SNHG17: variants seen among roughly 807,000 people sequenced by gnomAD.
SNHG17 encodes small nucleolar RNA host gene 17 (non-protein coding).
intron 2 of SNHG17, chr20:38,434,023 G>C (rs370857891): frequency 1.9e-6 from 1 of 517,552 alleles, no homozygotes. Flanking sequence ...GTGAGCCCAC[G>C]TCAGCGTGTT....
chr20:38,427,459 G>C (rs1344000117), intron 3 of SNHG17: 1 of 511,934 alleles, frequency 2.0e-6, no homozygotes, highest in Non-Finnish European at 3.9e-6. Flanking sequence ...ACAGACAGGA[G>C]AGCCAGGAAG....
chr20:38,425,644 G>C lies in SNHG17; in HGVS notation n.579+291C>G, dbSNP rs75295914. Among the ~76,000 whole-genome samples the C allele has an allele frequency of 7.7e-3, 1,175 of 152,248 alleles. 9 individuals are homozygous for C. Among genetic ancestry groups the C allele is most frequent in the Middle Eastern group, 0.017 (5 of 294 alleles). ...AGTAATACTGATGGTACCTGGTTCT[G>C]GGACCACAGTTTGAGAACCACTACT... On this transcript the variant is annotated intron_variant and non_coding_transcript_variant, in intron 5 of 8. Transcript: ENST00000654008.
chr20:38,432,275 A>G (rs1456743013), intron 2 of SNHG17: 1 of 541,948 alleles, frequency 1.8e-6, no homozygotes, highest in Non-Finnish European at 2.4e-6. Context: ...GGGACAGCTT[A>G]AGTCTCATCT....
intron 1 of SNHG17, chr20:38,435,005 C>T (rs1044355866): frequency 1.1e-5 from 14 of 1,230,028 alleles, no homozygotes; most frequent in Non-Finnish European, 1.4e-5. Context: ...TCAGCACTGC[C>T]GCGGCCAAGG....
At chr20:38,423,828 A>C (rs1469391679) in intron 5 of SNHG17, among the ~76,000 whole-genome samples, 2 of 152,228 alleles carry the variant, frequency 1.3e-5, no homozygotes, top group African/African-American at 4.8e-5. Context: ...TATCTGTCCC[A>C]TTATTCTATA....
exon 1 of SNHG17, chr20:38,435,264 A>C: frequency 8.1e-7 from 1 of 1,231,884 alleles, no homozygotes; most frequent in Non-Finnish European, 1.0e-6. Flanking sequence ...AGATGTCTGC[A>C]GATTTCGAGA....
chr20:38,424,719 G>C (rs1057388551), intron 5 of SNHG17, among the ~76,000 whole-genome samples: 2 of 152,102 alleles, frequency 1.3e-5, no homozygotes, highest in Non-Finnish European at 2.9e-5. Context: ...GAGTGTGATG[G>C]GGAGGCAGAG....
At chr20:38,435,273 G>A (rs1002876426) in exon 1 of SNHG17, 16 of 1,231,888 alleles carry the variant, frequency 1.3e-5, no homozygotes, top group Non-Finnish European at 1.5e-5. Context: ...CAGATTTCGA[G>A]AGATGGGGTG....
intron 5 of SNHG17, among the ~76,000 whole-genome samples, chr20:38,425,773 C>A (rs998271518): frequency 6.6e-6 from 1 of 152,150 alleles, no homozygotes; most frequent in African/African-American, 2.4e-5. Context: ...ACTATCCACA[C>A]GTCGGCCAGG....
intron 5 of SNHG17, chr20:38,425,187 G>A: frequency 1.9e-6 from 1 of 518,866 alleles, no homozygotes; most frequent in Non-Finnish European, 3.8e-6. Flanking sequence ...TCACTGGTGA[G>A]AATAAAGGCA....
intron 3 of SNHG17, chr20:38,427,336 G>C (rs1600760213): frequency 1.9e-6 from 1 of 517,298 alleles, no homozygotes. Context: ...GTTCGGATGG[G>C]ATAGGGTGGA....
intron 3 of SNHG17, chr20:38,429,711 C>T (rs775877495): frequency 2.0e-6 from 1 of 510,578 alleles, no homozygotes; most frequent in South Asian, 1.4e-5. Context: ...GGAGTGGACC[C>T]TCCAAACACG....
At position 38,431,928 on chromosome 20, in the gene SNHG17, C is replaced by T. The variant is rs944314119; in HGVS notation, n.309-816G>A. On this transcript the variant is annotated intron_variant and non_coding_transcript_variant, in intron 2 of 8. Coordinates refer to ENST00000654008, the Ensembl canonical transcript of SNHG17. ...ACCTCTCTCTACTTCCCAGACATCACGCCCAGGGAACCTGCATGCACCCAC... is the reference window on the plus strand; with the variant it reads ...ACCTCTCTCTACTTCCCAGACATCATGCCCAGGGAACCTGCATGCACCCAC... The T allele has an allele frequency of 5.6e-5, 47 of 838,338 alleles. No individual in the cohort carries two copies. In the African/African-American group the frequency reaches 7.4e-4, roughly 13 times the overall value. The allele number at this position is 838,338 out of a possible 1,614,324, so 51.9% of individuals were successfully genotyped here.
At chr20:38,426,023 T>G (rs991877926) in exon 5 of SNHG17, 1 of 131,796 alleles carries the variant, frequency 7.6e-6, no homozygotes, top group Non-Finnish European at 1.5e-5. Flanking sequence ...ACCACTGCAC[T>G]CCAGCCTGGG....
chr20:38,431,705 G>C (rs2084345003), intron 2 of SNHG17, among the ~76,000 whole-genome samples: 1 of 152,180 alleles, frequency 6.6e-6, no homozygotes, highest in Non-Finnish European at 1.5e-5. Context: ...AGGGAGTAGT[G>C]GTAAAGCGTT....
intron 2 of SNHG17, among the ~76,000 whole-genome samples, chr20:38,432,475 C>T (rs1177259078): frequency 1.3e-5 from 2 of 152,116 alleles, no homozygotes; most frequent in African/African-American, 4.8e-5. Flanking sequence ...TTCTATCAGC[C>T]ATGCCTAGCT....
intron 2 of SNHG17, chr20:38,434,118 C>CA (rs1286127792): frequency 7.0e-6 from 3 of 427,034 alleles, no homozygotes; most frequent in Non-Finnish European, 1.4e-5. Context: ...ACTTCACAGG[C>CA]AGATTCCATC....
chr20:38,431,958 G>C, intron 2 of SNHG17: 5 of 975,900 alleles, frequency 5.1e-6, no homozygotes, highest in Non-Finnish European at 6.1e-6. Flanking sequence ...ACCCACCCTT[G>C]TGGGACACAA....
At chr20:38,426,917 C>G (rs1016440098) in intron 3 of SNHG17, among the ~76,000 whole-genome samples, 1 of 149,422 alleles carries the variant, frequency 6.7e-6, no homozygotes, top group Non-Finnish European at 1.5e-5. Context: ...TACGACAAAC[C>G]CTTCAGGACC....
Sources: gnomAD v4.1 joint callset for allele counts (sites outside exome capture counted in the v4.1 genomes callset) on GRCh38, gnomAD v4.1.1 for gene constraint, MANE v1.5 for transcripts, NCBI Gene and HGNC (gene_info 2026-07-23, HGNC 2026-07-21) for gene names.